The following SLC22A3 variants were observed in gnomAD, a reference collection of about 807,000 sequenced individuals.
SLC22A3 encodes the protein EMT organic cation transporter 3.
Under a neutral mutation model 59.1 loss-of-function variants are expected in SLC22A3, and 51 were observed. The observed-to-expected ratio is 0.86, with a 90% CI of 0.69 to 1.09. The LOEUF (loss-of-function observed/expected upper bound fraction) is 1.09. SLC22A3 is among the 50% of genes least tolerant of loss of function. The probability of loss-of-function intolerance (pLI) is 0.00; values close to 1 mark genes in which losing one functional copy is unlikely to be tolerated. For missense variants in SLC22A3, 711 were observed against 726.3 expected (o/e 0.98, Z 0.24); for synonymous variants, 325 against 292.0 (o/e 1.11, Z -1.15).
At chr6:160,406,336 T>C (rs553879084) in intron 2 of SLC22A3, among the ~76,000 whole-genome samples, 5 of 152,180 alleles carry the variant, frequency 3.3e-5, no homozygotes, top group Non-Finnish European at 7.3e-5. Context: ...ATAGCAAACA[T>C]TTACCAGACA....
At chr6:160,355,446 TC>T in intron 1 of SLC22A3, among the ~76,000 whole-genome samples, 1 of 152,246 alleles carries the variant, frequency 6.6e-6, no homozygotes, top group African/African-American at 2.4e-5. Context: ...GTGCGCTGTT[TC>T]CTTTCCTTTC....
chr6:160,425,994 T>C (rs1787936537), intron 5 of SLC22A3: 1 of 985,454 alleles, frequency 1.0e-6, no homozygotes, highest in African/African-American at 1.7e-5. Flanking sequence ...CTAAATGTTC[T>C]GCCTTAAGCC....
chr6:160,442,259 G>A (rs1788570310), intron 7 of SLC22A3, among the ~76,000 whole-genome samples: 1 of 152,332 alleles, frequency 6.6e-6, no homozygotes, highest in Middle Eastern at 3.4e-3. Context: ...GGTCCTCAAA[G>A]CTTGCTCCAC....
At chr6:160,353,124 T>G (rs1030006523) in intron 1 of SLC22A3, among the ~76,000 whole-genome samples, 1 of 152,214 alleles carries the variant, frequency 6.6e-6, no homozygotes, top group African/African-American at 2.4e-5. Flanking sequence ...TTATTTTTAA[T>G]GGAGTGAAAG....
rs1171740830 is a variant in SLC22A3, at chr6:160,451,512, A to T, written c.*456A>T. Reference sequence around the variant, plus strand: ...TCCTAGCTGACCATTCATTCTGAAGATTGCATGGAGGATGAACATCTGGGA... The same window carrying T: ...TCCTAGCTGACCATTCATTCTGAAGTTTGCATGGAGGATGAACATCTGGGA... On this transcript the variant is annotated 3_prime_UTR_variant, in exon 11 of 11. Transcript: ENST00000275300. 1 of 173,644 alleles carries T rather than the reference A, an allele frequency of 5.8e-6. No individual in the cohort carries two copies. The highest frequency in any genetic ancestry group is 1.5e-4 in the East Asian group (1 of 6,840). 10.8% of individuals were successfully genotyped at this position (173,644 alleles called of 1,614,324 possible).
chr6:160,447,410 G>A (rs989350795), intron 9 of SLC22A3, among the ~76,000 whole-genome samples: 8 of 152,184 alleles, frequency 5.3e-5, no homozygotes, highest in Non-Finnish European at 1.2e-4. Context: ...CTGTTTCCCT[G>A]TGATGCAGGA....
chr6:160,430,131 GTATC>G (rs1788098111), intron 5 of SLC22A3, among the ~76,000 whole-genome samples: 1 of 151,726 alleles, frequency 6.6e-6, no homozygotes, highest in Non-Finnish European at 1.5e-5. Context: ...ACATATCTAT[GTATC>G]TATATAGACA....
At chr6:160,377,031 A>C (rs756515121) in intron 1 of SLC22A3, among the ~76,000 whole-genome samples, 35 of 152,186 alleles carry the variant, frequency 2.3e-4, no homozygotes, top group Non-Finnish European at 3.2e-4. Context: ...ACACCTGGCA[A>C]GGACAGCTTT....
At chr6:160,419,000 T>C (rs1336405894) in intron 5 of SLC22A3, among the ~76,000 whole-genome samples, 1 of 152,234 alleles carries the variant, frequency 6.6e-6, no homozygotes, top group African/African-American at 2.4e-5. Flanking sequence ...ATAAACATGC[T>C]TGAGGCAGTT....
Position 160,410,736 on chromosome 6 carries a change from C to A in SLC22A3, c.865C>A (p.Pro289Thr). The A allele has an allele frequency of 6.2e-7, 1 of 1,611,036 alleles. No individual in the cohort carries two copies. Among genetic ancestry groups the A allele is most frequent in the East Asian group, 2.2e-5 (1 of 44,816 alleles). The change falls in exon 5 of 11, where the codon CCT (proline) becomes ACT (threonine). Residue 289 changes from proline (P) to threonine (T), a missense_variant. By Grantham distance (38) the Pro-to-Thr change is conservative. Coordinates refer to ENST00000275300, the MANE Select transcript of SLC22A3 (RefSeq NM_021977.4). ...FLFLLYYWVV[P>T]ESPRWLITRK... ...AGCCTCCTTCTTTGCCAGGGTGGTC[C>A]CTGAGTCTCCCCGTTGGCTGATTAC...
chr6:160,364,784 G>T (rs1369937223), intron 1 of SLC22A3, among the ~76,000 whole-genome samples: 2 of 152,118 alleles, frequency 1.3e-5, no homozygotes, highest in African/African-American at 2.4e-5. Context: ...CTCAGAGCAG[G>T]ATCAGATGAT....
chr6:160,357,432 A>G (rs1189927944), intron 1 of SLC22A3, among the ~76,000 whole-genome samples: 1 of 152,186 alleles, frequency 6.6e-6, no homozygotes, highest in Non-Finnish European at 1.5e-5. Context: ...GCACAAAATG[A>G]AAGACAACAT....
At chr6:160,364,027 T>C (rs555839835) in intron 1 of SLC22A3, among the ~76,000 whole-genome samples, 1 of 152,148 alleles carries the variant, frequency 6.6e-6, no homozygotes, top group Non-Finnish European at 1.5e-5. Flanking sequence ...AAATGATTCA[T>C]AAAATGTATA....
In SLC22A3 at chr6:160,348,524, C is replaced by G. The variant is rs1161392703; in HGVS notation, c.105C>G (p.Leu35=). 2.6e-6 allele frequency: 4 copies of G among 1,565,580 alleles called. No homozygotes were observed. Among genetic ancestry groups the G allele is most frequent in the Middle Eastern group, 2.2e-4 (1 of 4,592 alleles). ...LCLTGVTFAF[L]FVGVVFLGTQ... ...TGACGGGCGTCACCTTCGCCTTCCT[C>G]TTCGTCGGCGTGGTCTTCCTGGGCA... Residue 35 remains leucine (L), a synonymous_variant, in exon 1 of 11, where the codon CTC becomes CTG. Coordinates refer to ENST00000275300, the MANE Select transcript of SLC22A3 (RefSeq NM_021977.4).
At chr6:160,445,684 A>G (rs1023235397) in intron 9 of SLC22A3, among the ~76,000 whole-genome samples, 3 of 152,144 alleles carry the variant, frequency 2.0e-5, no homozygotes, top group Non-Finnish European at 4.4e-5. Context: ...GATTGAGTAA[A>G]CATCTTAGAA....
intron 5 of SLC22A3, among the ~76,000 whole-genome samples, chr6:160,412,494 T>C (rs1204064071): frequency 2.0e-5 from 3 of 152,184 alleles, no homozygotes; most frequent in African/African-American, 7.2e-5. Flanking sequence ...TTTCCAAAGG[T>C]TTCAACTGAA....
At chr6:160,385,753 G>T (rs1391187880) in intron 1 of SLC22A3, among the ~76,000 whole-genome samples, 4 of 152,164 alleles carry the variant, frequency 2.6e-5, no homozygotes, top group Admixed American at 6.5e-5. Context: ...TCCCTCGCAG[G>T]CTCTCTTGCC....
intron 1 of SLC22A3, among the ~76,000 whole-genome samples, chr6:160,370,748 G>T (rs760043095): frequency 3.3e-5 from 5 of 152,114 alleles, no homozygotes; most frequent in African/African-American, 1.2e-4. Context: ...TTCATATTTT[G>T]CATGAATCAG....
At chr6:160,408,432 A>G (rs1171465591) in intron 3 of SLC22A3, among the ~76,000 whole-genome samples, 1 of 152,214 alleles carries the variant, frequency 6.6e-6, no homozygotes, top group Non-Finnish European at 1.5e-5. Flanking sequence ...CTTTTAAAAT[A>G]ATCATCACTG....
Sources: allele counts gnomAD v4.1 joint callset (sites outside exome capture counted in the v4.1 genomes callset), GRCh38; gene constraint gnomAD v4.1.1; transcripts MANE v1.5; gene names NCBI Gene and HGNC (gene_info 2026-07-23, HGNC 2026-07-21).